EBF1: variants seen among roughly 807,000 people sequenced by gnomAD.
EBF1 encodes transcription factor COE1.
In EBF1, 10 loss-of-function variants were observed where a neutral mutation model predicts 68.4. The observed-to-expected ratio is 0.15, with a 90% CI of 0.09 to 0.25. The LOEUF is 0.25. Among genes scored for constraint, EBF1 ranks in the 10% least tolerant of loss-of-function variants. EBF1 has a pLI of 1.00. For missense variants in EBF1, 509 were observed against 794.4 expected (o/e 0.64, Z 4.32); for synonymous variants, 298 against 299.8 (o/e 0.99, Z 0.06).
At chr5:159,013,782 C>G (rs1252070661) in intron 6 of EBF1, among the ~76,000 whole-genome samples, 38 of 152,200 alleles carry the variant, frequency 2.5e-4, no homozygotes, top group Non-Finnish European at 2.9e-5. Context: ...ATAACACTCT[C>G]TGTCCCATGC....
chr5:158,731,234 G>T, intron 10 of EBF1, 77 bp from the exon 11 acceptor site: 1 of 1,354,082 alleles, frequency 7.4e-7, no homozygotes, highest in Non-Finnish European at 1.0e-6. Context: ...TAATGGTGTG[G>T]AAATAACCAG....
chr5:159,030,389 G>C (rs1362510003), intron 6 of EBF1, among the ~76,000 whole-genome samples: 1 of 152,064 alleles, frequency 6.6e-6, no homozygotes. Flanking sequence ...CATAAGCAAA[G>C]GAGCTGGCAT....
intron 6 of EBF1, among the ~76,000 whole-genome samples, chr5:158,941,932 T>C (rs1049450421): frequency 2.0e-5 from 3 of 152,196 alleles, no homozygotes; most frequent in African/African-American, 7.2e-5. Flanking sequence ...ACAAAAGCCT[T>C]GGTATAGTTG....
intron 6 of EBF1, among the ~76,000 whole-genome samples, chr5:159,064,852 T>C (rs1308213901): frequency 1.3e-5 from 2 of 151,114 alleles, no homozygotes; most frequent in Non-Finnish European, 3.0e-5. Flanking sequence ...AACTTTCTTT[T>C]CTAAAGAACT....
At chr5:159,079,871 T>G (rs930921055) in intron 5 of EBF1, among the ~76,000 whole-genome samples, 1 of 152,094 alleles carries the variant, frequency 6.6e-6, no homozygotes, top group Admixed American at 6.5e-5. Context: ...CACCTCGGCC[T>G]CCCATAATGC....
chr5:158,887,907 AG>A (rs1800369152), intron 6 of EBF1, among the ~76,000 whole-genome samples: 2 of 152,216 alleles, frequency 1.3e-5, no homozygotes, highest in Non-Finnish European at 2.9e-5. Context: ...ACACATTTCC[AG>A]GGTTTAAGGT....
intron 8 of EBF1, among the ~76,000 whole-genome samples, chr5:158,799,411 C>G (rs565425893): frequency 7.1e-6 from 1 of 141,230 alleles, no homozygotes; most frequent in East Asian, 2.1e-4. Flanking sequence ...GAGACTCTGT[C>G]TCTTAAAATA....
intron 8 of EBF1, among the ~76,000 whole-genome samples, chr5:158,811,767 G>C: frequency 6.6e-6 from 1 of 152,124 alleles, no homozygotes; most frequent in East Asian, 1.9e-4. Context: ...AAGTCAAAGA[G>C]TAAACAACCT....
intron 6 of EBF1, among the ~76,000 whole-genome samples, chr5:158,977,844 C>T (rs562221825): frequency 4.6e-5 from 7 of 152,222 alleles, no homozygotes; most frequent in East Asian, 1.9e-4. Flanking sequence ...GGCCTCAACC[C>T]GCCCTGCCTT....
chr5:158,922,344 T>G (rs1047741325), intron 6 of EBF1, among the ~76,000 whole-genome samples: 1 of 152,176 alleles, frequency 6.6e-6, no homozygotes, highest in African/African-American at 2.4e-5. Flanking sequence ...GGTGGCAGAG[T>G]GTCTGCATCT....
chr5:158,774,097 C>T (rs1202310728), intron 10 of EBF1, among the ~76,000 whole-genome samples: 1 of 152,170 alleles, frequency 6.6e-6, no homozygotes, highest in Non-Finnish European at 1.5e-5. Flanking sequence ...AGCTTTTCTG[C>T]TTCTAATCCA....
chr5:159,053,592 C>G (rs1199866783), intron 6 of EBF1, among the ~76,000 whole-genome samples: 1 of 133,540 alleles, frequency 7.5e-6, no homozygotes, highest in Non-Finnish European at 1.6e-5. Flanking sequence ...CTCTCTCCCT[C>G]TCTCTCTCTC....
At chr5:158,851,699 A>G (rs1582558416) in intron 6 of EBF1, among the ~76,000 whole-genome samples, 1 of 100,068 alleles carries the variant, frequency 1.0e-5, no homozygotes, top group Admixed American at 1.0e-4. Context: ...AAGTAAAGGG[A>G]AGGAAAGGGT....
At chr5:158,881,888 C>T (rs1798978326) in intron 6 of EBF1, among the ~76,000 whole-genome samples, 1 of 152,162 alleles carries the variant, frequency 6.6e-6, no homozygotes. Context: ...GCAGGAGGGG[C>T]TCAGAAGAGC....
intron 8 of EBF1, among the ~76,000 whole-genome samples, chr5:158,812,417 T>C (rs2127801204): frequency 1.3e-5 from 2 of 152,210 alleles, no homozygotes; most frequent in South Asian, 4.2e-4. Context: ...CAGCAGGCAC[T>C]CTATTCTCTT....
At chr5:159,031,664 G>T (rs931007248) in intron 6 of EBF1, among the ~76,000 whole-genome samples, 6 of 152,064 alleles carry the variant, frequency 3.9e-5, no homozygotes, top group African/African-American at 1.2e-4. Flanking sequence ...TCGAAAGGTC[G>T]CAAACTCACA....
chr5:158,970,110 G>T (rs1755312977), intron 6 of EBF1, among the ~76,000 whole-genome samples: 1 of 152,006 alleles, frequency 6.6e-6, no homozygotes, highest in South Asian at 2.1e-4. Context: ...TCTCAATTTG[G>T]TCAAGTTCCA....
intron 6 of EBF1, among the ~76,000 whole-genome samples, chr5:158,990,794 T>C (rs1397251425): frequency 6.6e-6 from 1 of 152,258 alleles, no homozygotes; most frequent in Non-Finnish European, 1.5e-5. Flanking sequence ...AACAGAATTC[T>C]ACTATTCCTA....
intron 6 of EBF1, among the ~76,000 whole-genome samples, chr5:159,072,876 C>G (rs1272502625): frequency 1.3e-5 from 2 of 152,126 alleles, no homozygotes; most frequent in African/African-American, 4.8e-5. Flanking sequence ...ACAATATGGT[C>G]TCATACTGCA....
Sources: allele counts gnomAD v4.1 joint callset (sites outside exome capture counted in the v4.1 genomes callset), GRCh38; gene constraint gnomAD v4.1.1; transcripts MANE v1.5; gene names NCBI Gene and HGNC (gene_info 2026-07-23, HGNC 2026-07-21).